TENM2: variants seen among roughly 807,000 people sequenced by gnomAD.
The protein encoded by TENM2 is teneurin-2.
In TENM2, 52 loss-of-function variants were observed where a neutral mutation model predicts 245.2. That is an observed-to-expected ratio of 0.21 (90% confidence interval 0.17 to 0.27). TENM2 has a LOEUF of 0.27. Among genes scored for constraint, TENM2 ranks in the 10% least tolerant of loss-of-function variants. The pLI is 1.00. For missense variants in TENM2, 3,046 were observed against 3,666.8 expected, an observed-to-expected ratio of 0.83 and a Z score of 4.37; for synonymous variants, 1,363 against 1,438.9, an observed-to-expected ratio of 0.95 and a Z score of 1.19.
At chr5:168,129,427 C>G (rs992858771) in intron 12 of TENM2, 15 of 152,220 alleles carry the variant, frequency 9.9e-5, no homozygotes, top group African/African-American at 3.1e-4. Flanking sequence ...CCAGTATAGT[C>G]TCTTGTTCAG....
the TENM2 span, among the ~76,000 whole-genome samples, chr5:167,083,452 G>A: frequency 6.6e-6 from 1 of 152,144 alleles, no homozygotes; most frequent in Non-Finnish European, 1.5e-5. Context: ...TCCACAAAGC[G>A]TCCTTCACTG....
intron 2 of TENM2, among the ~76,000 whole-genome samples, chr5:167,547,415 T>C (rs969481888): frequency 1.3e-5 from 2 of 152,198 alleles, no homozygotes; most frequent in African/African-American, 4.8e-5. Flanking sequence ...GCAGGATCCA[T>C]TAAGAGCAGC....
intron 2 of TENM2, among the ~76,000 whole-genome samples, chr5:167,410,706 G>A (rs2127403529): frequency 6.6e-6 from 1 of 152,116 alleles, no homozygotes. Flanking sequence ...TCAGAGAAAT[G>A]CAACTTCCCT....
At chr5:167,105,886 TCAAAAAAAAAAAAAAAAAA>T in the TENM2 span, among the ~76,000 whole-genome samples, 5 of 13,928 alleles carry the variant, frequency 3.6e-4, no homozygotes, top group Non-Finnish European at 5.6e-4. Context: ...AGACTCCGTC[TCAAAAAAAAAAAAAAAAAA>T]AAAAAAAAAA....
chr5:167,637,931 T>G (rs530127788), intron 2 of TENM2, among the ~76,000 whole-genome samples: 1 of 150,768 alleles, frequency 6.6e-6, no homozygotes, highest in African/African-American at 2.5e-5. Flanking sequence ...TATACCTACA[T>G]AACAAACCTG....
chr5:167,778,079 A>C (rs1019038125), intron 2 of TENM2, among the ~76,000 whole-genome samples: 1 of 152,240 alleles, frequency 6.6e-6, no homozygotes, highest in African/African-American at 2.4e-5. Flanking sequence ...AATATTTGCT[A>C]TCTAGCCTTT....
At chr5:166,996,860 C>T in the TENM2 span, among the ~76,000 whole-genome samples, 2 of 152,198 alleles carry the variant, frequency 1.3e-5, no homozygotes, top group African/African-American at 4.8e-5. Flanking sequence ...TTGAATTTAA[C>T]TTTCCATTCT....
At chr5:168,077,744 A>G (rs1442406328) in intron 7 of TENM2, among the ~76,000 whole-genome samples, 1 of 152,200 alleles carries the variant, frequency 6.6e-6, no homozygotes, top group African/African-American at 2.4e-5. Context: ...ATGTCCCTAC[A>G]AAGGACATGA....
the TENM2 span, among the ~76,000 whole-genome samples, chr5:167,239,127 C>T: frequency 5.9e-5 from 9 of 152,302 alleles, no homozygotes; most frequent in African/African-American, 2.2e-4. Flanking sequence ...AAGATCTGGT[C>T]TCTCCAAGGT....
At position 168,240,515 on chromosome 5, in the gene TENM2, C is replaced by G. The variant is rs1048089376; in HGVS notation, c.5521-3905C>G. On this transcript the variant is annotated intron_variant, in intron 25 of 28. Coordinates refer to ENST00000518659, the Ensembl canonical transcript of TENM2. ...GTGCAAAATGGGGATGATAATAATG[C>G]CTGCCTGAGAGTGTTGTTGTGTAAA... Among the ~76,000 whole-genome samples, 4 of 152,210 alleles carry G rather than the reference C, an allele frequency of 2.6e-5. No homozygotes were observed. In the South Asian group the frequency reaches 8.3e-4, roughly 32 times the overall value.
intron 2 of TENM2, among the ~76,000 whole-genome samples, chr5:167,867,505 G>T (rs1436178525): frequency 3.3e-5 from 5 of 152,158 alleles, no homozygotes; most frequent in African/African-American, 1.2e-4. Context: ...ATAAGAGCTT[G>T]TTCACAATTG....
At chr5:168,207,673 T>G (rs1762470855) in intron 19 of TENM2, among the ~76,000 whole-genome samples, 1 of 152,170 alleles carries the variant, frequency 6.6e-6, no homozygotes, top group African/African-American at 2.4e-5. Flanking sequence ...CTGTCTTGCT[T>G]ATGTCTTTTC....
At chr5:167,364,916 T>A (rs2127278458) in intron 1 of TENM2, among the ~76,000 whole-genome samples, 1 of 152,042 alleles carries the variant, frequency 6.6e-6, no homozygotes, top group Non-Finnish European at 1.5e-5. Context: ...TAGACAGAAA[T>A]ATAGGATATA....
intron 1 of TENM2, among the ~76,000 whole-genome samples, chr5:167,292,662 C>T (rs1754703751): frequency 1.3e-5 from 2 of 152,178 alleles, no homozygotes; most frequent in African/African-American, 2.4e-5. Flanking sequence ...AAGGCAACTG[C>T]AATTTGTGGG....
intron 2 of TENM2, among the ~76,000 whole-genome samples, chr5:167,859,079 G>C (rs1183757232): frequency 6.8e-6 from 1 of 146,988 alleles, no homozygotes; most frequent in African/African-American, 2.6e-5. Flanking sequence ...GTCTCTGCCC[G>C]GCCGCCCATC....
intron 2 of TENM2, among the ~76,000 whole-genome samples, chr5:167,487,487 CATGTTT>C (rs1469976337): frequency 6.6e-6 from 1 of 152,046 alleles, no homozygotes; most frequent in Admixed American, 6.6e-5. Flanking sequence ...CTTTTATATG[CATGTTT>C]ATGTTTATGC....
intron 2 of TENM2, among the ~76,000 whole-genome samples, chr5:167,553,391 T>C (rs1773079241): frequency 1.3e-5 from 2 of 152,114 alleles, no homozygotes; most frequent in African/African-American, 4.8e-5. Flanking sequence ...ATAGCGCTGA[T>C]TTATCAAAGG....
At chr5:167,767,094 A>G (rs1196499938) in intron 2 of TENM2, among the ~76,000 whole-genome samples, 4 of 152,220 alleles carry the variant, frequency 2.6e-5, no homozygotes, top group Non-Finnish European at 5.9e-5. Flanking sequence ...AGATATTTGT[A>G]CACCCATGTT....
chr5:168,198,996 C>A, exon 16 of TENM2: 2 of 1,614,010 alleles, frequency 1.2e-6, no homozygotes, highest in South Asian at 1.1e-5. Flanking sequence ...GAGGAGAACT[C>A]CATCCCCAGC....
Sources: gnomAD v4.1 joint callset for allele counts (sites outside exome capture counted in the v4.1 genomes callset) on GRCh38, gnomAD v4.1.1 for gene constraint, MANE v1.5 for transcripts, NCBI Gene and HGNC (gene_info 2026-07-23, HGNC 2026-07-21) for gene names.